Variants in CLASP1 observed in about 807,000 individuals in gnomAD.
CLASP1 encodes the protein cytoplasmic linker associated protein 1, also known as CLIP-associating protein 1.
Under a neutral mutation model 192.3 loss-of-function variants are expected in CLASP1, and 38 were observed. The ratio of observed to expected loss-of-function variants is 0.20; its 90% CI spans 0.15 to 0.26. CLASP1 has a LOEUF of 0.26. Ranked by LOEUF, CLASP1 falls within the 10% of genes least tolerant of loss-of-function variation. The probability of loss-of-function intolerance (pLI) is 1.00; values close to 1 mark genes in which losing one functional copy is unlikely to be tolerated. For missense variants in CLASP1, 1,433 were observed against 1,932.5 expected (o/e 0.74, Z 4.85); for synonymous variants, 691 against 712.8 (o/e 0.97, Z 0.49).
At chr2:121,491,167 A>C (rs1474672221) in intron 8 of CLASP1, among the ~76,000 whole-genome samples, 1 of 152,208 alleles carries the variant, frequency 6.6e-6, no homozygotes, top group Non-Finnish European at 1.5e-5. Flanking sequence ...TAAAACCATA[A>C]AGCAAAATGC....
chr2:121,581,336 G>A (rs922556382), intron 2 of CLASP1, among the ~76,000 whole-genome samples: 1 of 132,214 alleles, frequency 7.6e-6, no homozygotes, highest in South Asian at 2.5e-4. Context: ...CTGCAGTGGC[G>A]CAATCTCGGC....
intron 39 of CLASP1, among the ~76,000 whole-genome samples, chr2:121,343,224 A>T (rs1445126931): frequency 1.3e-5 from 2 of 152,246 alleles, no homozygotes; most frequent in African/African-American, 4.8e-5. Context: ...AAAAGTGAAA[A>T]ATAAAAACAG....
intron 3 of CLASP1, 112 bp downstream of exon 3, chr2:121,530,135 G>T: frequency 1.2e-6 from 1 of 832,834 alleles, no homozygotes; most frequent in South Asian, 1.6e-5. Context: ...GGAGGGAGAG[G>T]GGGCTGGAGG....
chr2:121,338,188 CTGA>C (rs2062490200), exon 40 of CLASP1: 1 of 152,206 alleles, frequency 6.6e-6, no homozygotes, highest in Non-Finnish European at 1.5e-5. Flanking sequence ...AAGAAAAAGA[CTGA>C]TGAGACAAAG....
At chr2:121,645,587 A>G (rs2073036393) in intron 1 of CLASP1, among the ~76,000 whole-genome samples, 1 of 152,254 alleles carries the variant, frequency 6.6e-6, no homozygotes, top group African/African-American at 2.4e-5. Context: ...GAGGACACAC[A>G]ATGTGTTCTA....
At chr2:121,387,048 C>A in intron 32 of CLASP1, 74 bp downstream of exon 33, 1 of 1,235,286 alleles carries the variant, frequency 8.1e-7, no homozygotes, top group East Asian at 2.5e-5. Context: ...GTCTAAAAAT[C>A]TAGAAATAGG....
chr2:121,345,134 G>A (rs924055044), intron 39 of CLASP1, among the ~76,000 whole-genome samples: 2 of 152,326 alleles, frequency 1.3e-5, no homozygotes, highest in East Asian at 3.9e-4. Flanking sequence ...GTGACAGAGC[G>A]AGGCTCCATA....
chr2:121,587,657 C>T (rs2061878859), intron 2 of CLASP1, among the ~76,000 whole-genome samples: 1 of 151,182 alleles, frequency 6.6e-6, no homozygotes, highest in Non-Finnish European at 1.5e-5. Flanking sequence ...ATAGTGAAAC[C>T]CCATCTCTAC....
intron 37 of CLASP1, among the ~76,000 whole-genome samples, chr2:121,354,091 T>C (rs1211732450): frequency 6.6e-6 from 1 of 152,210 alleles, no homozygotes; most frequent in Non-Finnish European, 1.5e-5. Flanking sequence ...GCGTACATAT[T>C]TTTAATGCTC....
intron 1 of CLASP1, among the ~76,000 whole-genome samples, chr2:121,630,381 AACACAC>A (rs60827939): frequency 0.046 from 6,428 of 138,692 alleles, 188 homozygotes; most frequent in African/African-American, 0.085. Flanking sequence ...ATTGGAAAGA[AACACAC>A]ACACACACAC....
In CLASP1 at chr2:121,344,127, G is replaced by T. The variant is rs531830850; in HGVS notation, c.4530+2911C>A. Reference sequence around the variant, plus strand: ...TATACCACAATAAAAAGACTGGAGGGGGGGAAAAAGAAAAGAATGCTTGTT... The same window carrying T: ...TATACCACAATAAAAAGACTGGAGGTGGGGAAAAAGAAAAGAATGCTTGTT... On this transcript the variant is annotated intron_variant, in intron 39 of 39. Transcript: ENST00000263710. 3.3e-5 allele frequency among the ~76,000 whole-genome samples: 5 copies of T among 152,056 alleles called. No homozygotes were observed. The South Asian group carries it at 8.3e-4, about 25-fold the overall frequency.
At chr2:121,353,293 A>C (rs2064836328) in intron 37 of CLASP1, among the ~76,000 whole-genome samples, 1 of 152,042 alleles carries the variant, frequency 6.6e-6, no homozygotes, top group African/African-American at 2.4e-5. Flanking sequence ...ATCGGGGGTG[A>C]AGGGGGCAGA....
intron 3 of CLASP1, among the ~76,000 whole-genome samples, chr2:121,529,115 C>G (rs1294699704): frequency 6.6e-6 from 1 of 152,188 alleles, no homozygotes; most frequent in Non-Finnish European, 1.5e-5. Context: ...TTAGGTAAAA[C>G]ACAAGGAGAG....
At chr2:121,647,897 T>C (rs1262967119) in intron 1 of CLASP1, among the ~76,000 whole-genome samples, 1 of 152,156 alleles carries the variant, frequency 6.6e-6, no homozygotes, top group Non-Finnish European at 1.5e-5. Flanking sequence ...ACTAAAACTT[T>C]AGAAGTCTAA....
chr2:121,546,641 C>A (rs1465683614), intron 2 of CLASP1, among the ~76,000 whole-genome samples: 1 of 152,026 alleles, frequency 6.6e-6, no homozygotes, highest in Non-Finnish European at 1.5e-5. Flanking sequence ...ACCCACTCCA[C>A]CAGGGTCTTC....
At chr2:121,643,823 C>G (rs1036208501) in intron 1 of CLASP1, among the ~76,000 whole-genome samples, 4 of 152,112 alleles carry the variant, frequency 2.6e-5, no homozygotes, top group Admixed American at 2.6e-4. Context: ...AATGATATCA[C>G]GAATGTAAAG....
chr2:121,513,381 C>G (rs572986564), intron 7 of CLASP1, among the ~76,000 whole-genome samples: 11 of 151,938 alleles, frequency 7.2e-5, no homozygotes, highest in African/African-American at 2.7e-4. Context: ...TAGCAGAAAC[C>G]CTCATTTCTA....
At chr2:121,357,332 A>T (rs1257424964) in intron 37 of CLASP1, among the ~76,000 whole-genome samples, 1 of 152,164 alleles carries the variant, frequency 6.6e-6, no homozygotes, top group Non-Finnish European at 1.5e-5. Flanking sequence ...AAAGGATACT[A>T]TCTTCAATTT....
intron 8 of CLASP1, 105 bp from the exon 9 acceptor site, chr2:121,470,065 G>A: frequency 1.1e-6 from 1 of 921,276 alleles, no homozygotes; most frequent in Non-Finnish European, 1.6e-6. Flanking sequence ...CTTCGAGACT[G>A]ATTCTGCATA....
Sources: gnomAD v4.1 joint callset for allele counts (sites outside exome capture counted in the v4.1 genomes callset) on GRCh38, gnomAD v4.1.1 for gene constraint, MANE v1.5 for transcripts, NCBI Gene and HGNC (gene_info 2026-07-23, HGNC 2026-07-21) for gene names.